ANKRD33B: variants seen among roughly 807,000 people sequenced by gnomAD.
ANKRD33B encodes the protein ankyrin repeat domain-containing protein 33B.
A neutral mutation model predicts 21.5 loss-of-function variants in ANKRD33B; 6 were observed. That is an observed-to-expected ratio of 0.28 (90% confidence interval 0.15 to 0.55). The LOEUF (loss-of-function observed/expected upper bound fraction) is 0.55. Among genes scored for constraint, ANKRD33B ranks in the 20% least tolerant of loss-of-function variants. ANKRD33B has a pLI of 0.94. For missense variants in ANKRD33B, 698 were observed against 747.2 expected (o/e 0.93, Z 0.77); for synonymous variants, 347 against 342.4 (o/e 1.01, Z -0.15).
rs1001545039 is a variant in ANKRD33B, at chr5:10,618,408, G to A, written c.442G>A (p.Val148Ile). The change falls in exon 2 of 4, where the codon GTC (valine) becomes ATC (isoleucine). Residue 148 changes from valine to isoleucine, a missense_variant. Val to Ile is a conservative substitution (Grantham distance 29). Around this residue, in one of 3 missense-constraint regions of ANKRD33B, gnomAD observed 543 missense variants for 566.5 expected, o/e 0.96. Transcript: ENST00000296657. Reference protein sequence around the residue: ...VALAECPHVDVNWQDSEGNTA... With the variant: ...VALAECPHVDINWQDSEGNTA... The stretch of plus-strand genomic sequence containing the variant: ...CTTAGCAGAGTGCCCCCACGTTGAC[G>A]TCAACTGGCAGGACAGCGAGGGGAA... The A allele has an allele frequency of 1.4e-5, 21 of 1,537,522 alleles. No individual in the cohort carries two copies. Among genetic ancestry groups the A allele is most frequent in the Admixed American group, 2.0e-5 (1 of 50,966 alleles).
chr5:10,623,274 T>C (rs1736466605), intron 2 of ANKRD33B, among the ~76,000 whole-genome samples: 1 of 152,172 alleles, frequency 6.6e-6, no homozygotes, highest in African/African-American at 2.4e-5. Context: ...TGCCGGAATT[T>C]TGCAGGGTTC....
In ANKRD33B at chr5:10,649,771, C is replaced by A. The variant is rs1290015453; in HGVS notation, c.1143C>A (p.Gly381=). Residue 381 remains glycine, a synonymous_variant, in exon 4 of 4, where the codon GGC becomes GGA. Transcript: ENST00000296657. ...TGQEDADSRE[G]SPRAGLPPAL... ...AGGAGGACGCGGACTCCCGGGAGGGCTCCCCGAGAGCCGGCCTCCCTCCCG... is the reference window on the plus strand; with the variant it reads ...AGGAGGACGCGGACTCCCGGGAGGGATCCCCGAGAGCCGGCCTCCCTCCCG... 1.4e-6 allele frequency: 2 copies of A among 1,405,452 alleles called. No homozygotes were observed. Among genetic ancestry groups the A allele is most frequent in the African/African-American group, 1.5e-5 (1 of 65,976 alleles). The allele number at this position is 1,405,452 out of a possible 1,614,324, so 87.1% of individuals were successfully genotyped here. A position where few individuals can be genotyped will look rare whatever the true frequency, so the allele number is the denominator to read the frequency against.
At chr5:10,600,605 G>A (rs890170527) in intron 1 of ANKRD33B, among the ~76,000 whole-genome samples, 1 of 152,196 alleles carries the variant, frequency 6.6e-6, no homozygotes, top group Non-Finnish European at 1.5e-5. Context: ...GGATATTATG[G>A]ATAAAGCTGT....
chr5:10,611,272 A>G lies in ANKRD33B; in HGVS notation c.367-7061A>G, dbSNP rs144711110. ...ATATTGACCTTTGTTAATGTTACCA[A>G]TGAAGACATGGGTGTTTATCTTACT... On this transcript the variant is annotated intron_variant, in intron 1 of 3. Transcript: ENST00000296657. Among the ~76,000 whole-genome samples, 219 of 152,318 alleles carry G rather than the reference A, an allele frequency of 1.4e-3. 4 individuals are homozygous for G. The East Asian group carries it at 0.029, about 20-fold the overall frequency.
intron 1 of ANKRD33B, among the ~76,000 whole-genome samples, chr5:10,584,699 G>C (rs1486693629): frequency 6.6e-6 from 1 of 152,198 alleles, no homozygotes; most frequent in Non-Finnish European, 1.5e-5. Context: ...CGCTGTTCTA[G>C]GGGACAGAAT....
At position 10,649,930 on chromosome 5, in the gene ANKRD33B, C is replaced by G. The variant is rs150269074; in HGVS notation, c.1302C>G (p.Pro434=). The G allele has an allele frequency of 1.5e-3, 2,330 of 1,525,614 alleles. 28 individuals carry two copies. In the African/African-American group the frequency reaches 0.029, roughly 19 times the overall value. 94.5% of individuals were successfully genotyped at this position (1,525,614 alleles called of 1,614,324 possible). Residue 434 remains proline (P), a synonymous_variant, in exon 4 of 4, where the codon CCC becomes CCG. Coordinates refer to ENST00000296657, the MANE Select transcript of ANKRD33B (RefSeq NM_001164440.2). ...PRVRVSKAPA[P]TFQPERPARK... is the part of the protein sequence containing the mutation. Reference sequence around the variant, plus strand: ...TCCGAGTCAGCAAGGCGCCCGCGCCCACCTTCCAGCCCGAGCGGCCGGCGC... The same window carrying G: ...TCCGAGTCAGCAAGGCGCCCGCGCCGACCTTCCAGCCCGAGCGGCCGGCGC...
intron 1 of ANKRD33B, among the ~76,000 whole-genome samples, chr5:10,574,038 G>C (rs1270155171): frequency 6.6e-6 from 1 of 152,180 alleles, no homozygotes; most frequent in Non-Finnish European, 1.5e-5. Context: ...CGTCTGTGTG[G>C]CTGCCATCAA....
chr5:10,615,148 G>C (rs759547374), intron 1 of ANKRD33B, among the ~76,000 whole-genome samples: 1 of 152,154 alleles, frequency 6.6e-6, no homozygotes, highest in Non-Finnish European at 1.5e-5. Flanking sequence ...TGTCTCTCTT[G>C]TATCCACCTA....
intron 3 of ANKRD33B, among the ~76,000 whole-genome samples, chr5:10,647,723 G>A (rs1039949131): frequency 6.6e-6 from 1 of 152,180 alleles, no homozygotes; most frequent in Admixed American, 6.5e-5. Context: ...CGGTAGGCTC[G>A]AAGGCTGGAA....
At chr5:10,577,856 C>T (rs1427947921) in intron 1 of ANKRD33B, among the ~76,000 whole-genome samples, 3 of 152,194 alleles carry the variant, frequency 2.0e-5, no homozygotes, top group African/African-American at 7.2e-5. Context: ...AGACCTTGAA[C>T]CCAGCTTGCT....
At chr5:10,608,037 G>A (rs752743075) in intron 1 of ANKRD33B, among the ~76,000 whole-genome samples, 21 of 152,014 alleles carry the variant, frequency 1.4e-4, no homozygotes, top group Non-Finnish European at 2.4e-4. Context: ...CTTTTAAAAC[G>A]AAGCTTGGTA....
chr5:10,645,105 C>T (rs1737163627), intron 3 of ANKRD33B, among the ~76,000 whole-genome samples: 1 of 152,290 alleles, frequency 6.6e-6, no homozygotes, highest in South Asian at 2.1e-4. Context: ...GGTGGCTTGT[C>T]CTCCCTGCTG....
At chr5:10,578,539 G>A (rs1434630662) in intron 1 of ANKRD33B, among the ~76,000 whole-genome samples, 1 of 152,154 alleles carries the variant, frequency 6.6e-6, no homozygotes, top group Admixed American at 6.5e-5. Flanking sequence ...GATCTTCTTG[G>A]GGGGATTTTG....
At chr5:10,638,698 CGTT>C (rs1736935724) in intron 3 of ANKRD33B, among the ~76,000 whole-genome samples, 1 of 144,922 alleles carries the variant, frequency 6.9e-6, no homozygotes, top group Non-Finnish European at 1.5e-5. Flanking sequence ...TGCATGGTGA[CGTT>C]AGGAGGTGAC....
intron 2 of ANKRD33B, chr5:10,627,345 T>A (rs569492484): frequency 6.6e-6 from 1 of 152,316 alleles, no homozygotes; most frequent in Admixed American, 6.5e-5. Flanking sequence ...ACGCCAGGGG[T>A]CTCTTTGAGC....
chr5:10,635,735 C>T (rs1261902758), intron 2 of ANKRD33B, among the ~76,000 whole-genome samples: 1 of 152,220 alleles, frequency 6.6e-6, no homozygotes, highest in Non-Finnish European at 1.5e-5. Context: ...ACTGGTGAGG[C>T]AGCAGCCTGG....
intron 1 of ANKRD33B, among the ~76,000 whole-genome samples, chr5:10,599,416 A>G (rs767385586): frequency 1.3e-5 from 2 of 152,158 alleles, no homozygotes; most frequent in Non-Finnish European, 2.9e-5. Flanking sequence ...GGCATTTGCA[A>G]TGTTGTGCAA....
At chr5:10,580,590 G>T (rs1316580111) in intron 1 of ANKRD33B, among the ~76,000 whole-genome samples, 1 of 152,090 alleles carries the variant, frequency 6.6e-6, no homozygotes, top group East Asian at 1.9e-4. Flanking sequence ...TCTGGATCTT[G>T]TCTGTTCTCT....
At chr5:10,600,949 T>G (rs1284919325) in intron 1 of ANKRD33B, among the ~76,000 whole-genome samples, 1 of 138,672 alleles carries the variant, frequency 7.2e-6, no homozygotes, top group African/African-American at 2.7e-5. Flanking sequence ...AATTTAAATT[T>G]TGTACATTAA....
Sources: allele counts gnomAD v4.1 joint callset (sites outside exome capture counted in the v4.1 genomes callset), GRCh38; gene constraint gnomAD v4.1.1; regional missense constraint gnomAD v4.1.1; transcripts MANE v1.5; gene names NCBI Gene and HGNC (gene_info 2026-07-23, HGNC 2026-07-21).